The following TRAF3 variants were observed in gnomAD, a reference collection of about 807,000 sequenced individuals.
TRAF3 encodes TNF receptor associated factor 3.
TRAF3 carries 13 observed loss-of-function variants against 62.3 expected under a neutral mutation model. That is an observed-to-expected ratio of 0.21 (90% CI 0.14 to 0.33). The LOEUF is 0.33. Among genes scored for constraint, TRAF3 ranks in the 10% least tolerant of loss-of-function variants. The pLI, the probability that TRAF3 is intolerant of heterozygous loss-of-function variation, is 1.00. For synonymous variants in TRAF3, 269 were observed against 283.4 expected (o/e 0.95, Z 0.51); for missense variants, 440 against 741.8 (o/e 0.59, Z 4.73).
In TRAF3 at chr14:102,903,156, G is replaced by A; in HGVS notation, c.961-99G>A. The A allele has an allele frequency of 6.4e-7, 1 of 1,565,376 alleles. No individual in the cohort carries two copies. The highest frequency in any genetic ancestry group is 1.1e-5 in the South Asian group (1 of 89,282). ...TGGCAGGCCTCATACAGGGGCCTCTGACTGTTCTGCTCCTAGCCTGTCTGT... is the reference window on the plus strand; with the variant it reads ...TGGCAGGCCTCATACAGGGGCCTCTAACTGTTCTGCTCCTAGCCTGTCTGT... On this transcript the variant is annotated intron_variant, in intron 10 of 11. Coordinates refer to ENST00000392745, the MANE Select transcript of TRAF3 (RefSeq NM_145725.3). This position sits in a 1 kb window ranked among gnomAD's most constrained non-coding sequence, Gnocchi z 6.4.
At chr14:102,811,004 CAGAGA>C (rs1555367593) in intron 1 of TRAF3, among the ~76,000 whole-genome samples, 1 of 152,160 alleles carries the variant, frequency 6.6e-6, no homozygotes, top group Non-Finnish European at 1.5e-5. Context: ...TATGTATACC[CAGAGA>C]AAACACATAA....
intron 2 of TRAF3, among the ~76,000 whole-genome samples, chr14:102,836,343 G>A (rs1438225980): frequency 2.0e-5 from 3 of 152,178 alleles, no homozygotes; most frequent in African/African-American, 4.8e-5. Context: ...TTTTATTAAT[G>A]TAGCCATTTT....
chr14:102,893,441 T>A (rs1353258778), intron 9 of TRAF3, among the ~76,000 whole-genome samples: 1 of 150,086 alleles, frequency 6.7e-6, no homozygotes, highest in Non-Finnish European at 1.5e-5. Flanking sequence ...AGATACACAG[T>A]AGTTGAACAG....
At chr14:102,809,806 A>G (rs1338777417) in intron 1 of TRAF3, among the ~76,000 whole-genome samples, 8 of 152,140 alleles carry the variant, frequency 5.3e-5, no homozygotes, top group Admixed American at 5.2e-4. Flanking sequence ...CTGGGATTAC[A>G]GGCATGAGCC....
At chr14:102,849,099 A>G (rs1305618704) in intron 2 of TRAF3, among the ~76,000 whole-genome samples, 1 of 152,180 alleles carries the variant, frequency 6.6e-6, no homozygotes, top group East Asian at 1.9e-4. Flanking sequence ...CGCCTGGCAG[A>G]TCTAGTGTTT....
chr14:102,862,298 C>T (rs1887721750), intron 2 of TRAF3, among the ~76,000 whole-genome samples: 1 of 151,142 alleles, frequency 6.6e-6, no homozygotes, highest in African/African-American at 2.4e-5. Context: ...CCCAGAGAGA[C>T]TGAGGCAGGA....
At chr14:102,840,404 AT>A (rs1002109736) in intron 2 of TRAF3, among the ~76,000 whole-genome samples, 10 of 150,370 alleles carry the variant, frequency 6.7e-5, no homozygotes, top group African/African-American at 2.2e-4. Flanking sequence ...ATAATTTTTT[AT>A]TTTTTTTTGT....
At chr14:102,876,993 A>C (rs945739199) in intron 6 of TRAF3, among the ~76,000 whole-genome samples, 3 of 141,860 alleles carry the variant, frequency 2.1e-5, no homozygotes, top group African/African-American at 8.2e-5. Flanking sequence ...CCCTCAACTC[A>C]TAGATAATCC....
chr14:102,786,965 G>A (rs975901694), intron 1 of TRAF3, among the ~76,000 whole-genome samples: 2 of 152,164 alleles, frequency 1.3e-5, no homozygotes, highest in Non-Finnish European at 1.5e-5. Flanking sequence ...CCATACTTCC[G>A]CACTTTAGCC....
At chr14:102,801,784 C>T (rs1390359116) in intron 1 of TRAF3, among the ~76,000 whole-genome samples, 3 of 151,322 alleles carry the variant, frequency 2.0e-5, no homozygotes, top group South Asian at 2.1e-4. Flanking sequence ...TTTGGGAGGC[C>T]GAGGCGGGCA....
At chr14:102,836,809 G>A (rs1170045115) in intron 2 of TRAF3, among the ~76,000 whole-genome samples, 2 of 152,238 alleles carry the variant, frequency 1.3e-5, no homozygotes, top group East Asian at 3.9e-4. Context: ...TTGTGTTTTA[G>A]GAATGAAGTA....
In TRAF3 at chr14:102,830,335, T is replaced by G. The variant is rs1231397087; in HGVS notation, c.-155T>G. The G allele has an allele frequency of 7.9e-5, 12 of 152,332 alleles. No individual in the cohort carries two copies. Among genetic ancestry groups the G allele is most frequent in the Non-Finnish European group, 2.9e-5 (2 of 68,206 alleles). The allele number at this position is 152,332 out of a possible 1,614,324, so 9.4% of individuals were successfully genotyped here. A position where few individuals can be genotyped will look rare whatever the true frequency, so the allele number is the denominator to read the frequency against. On this transcript the variant is annotated splice_region_variant and 5_prime_UTR_variant, in exon 2 of 12. The change abolishes an upstream ATG in the 5' untranslated region. Coordinates refer to ENST00000392745, the MANE Select transcript of TRAF3 (RefSeq NM_145725.3). Reference sequence around the variant, plus strand: ...TAATCCAATCCCTTTATTTTACAGATGAGGAAAATGAGGCCCAAAGAAGTG... The same window carrying G: ...TAATCCAATCCCTTTATTTTACAGAGGAGGAAAATGAGGCCCAAAGAAGTG...
At chr14:102,877,816 A>G (rs1288427843) in intron 6 of TRAF3, among the ~76,000 whole-genome samples, 2 of 149,746 alleles carry the variant, frequency 1.3e-5, no homozygotes, top group Admixed American at 6.7e-5. Context: ...CTCAGCTCAT[A>G]GGTAATCCCT....
intron 2 of TRAF3, among the ~76,000 whole-genome samples, chr14:102,835,912 T>TA (rs200221536): frequency 1.4e-3 from 212 of 151,364 alleles, no homozygotes; most frequent in Non-Finnish European, 2.3e-3. Flanking sequence ...AAAATAAAAG[T>TA]AAAAAAAAAT....
rs56998347 is a variant in TRAF3, at chr14:102,839,210, CTTTTTTTTT to C, written c.-18+8758_-18+8766del. 4.8e-3 allele frequency among the ~76,000 whole-genome samples: 429 copies of C among 89,842 alleles called. 3 individuals carry two copies. Among genetic ancestry groups the C allele is most frequent in the Middle Eastern group, 8.2e-3 (1 of 122 alleles). The allele number at this position is 89,842 out of a possible 152,430, so 58.9% of individuals were successfully genotyped here. A position where few individuals can be genotyped will look rare whatever the true frequency, so the allele number is the denominator to read the frequency against. On this transcript the variant is annotated intron_variant, in intron 2 of 11. Coordinates refer to ENST00000392745, the MANE Select transcript of TRAF3 (RefSeq NM_145725.3). Reference sequence around the variant, plus strand: ...GAGAGATGCTTATTGGTTGATTTGCCTTTTTTTTTTTTTTTTTTTTTTTTTTTTGAAACA... The same window carrying C: ...GAGAGATGCTTATTGGTTGATTTGCCTTTTTTTTTTTTTTTTTTTGAAACA...
chr14:102,837,641 TA>T (rs60254429), intron 2 of TRAF3, among the ~76,000 whole-genome samples: 8,802 of 143,922 alleles, frequency 0.061, 548 homozygotes, highest in African/African-American at 0.16. Flanking sequence ...TTCAAAACAG[TA>T]AAAAAAAAAA....
At chr14:102,836,525 T>C (rs1886017582) in intron 2 of TRAF3, among the ~76,000 whole-genome samples, 2 of 152,226 alleles carry the variant, frequency 1.3e-5, no homozygotes, top group Admixed American at 6.5e-5. Flanking sequence ...GAATATAGTT[T>C]ATTTGAAAGG....
chr14:102,838,436 A>T (rs1455179968), intron 2 of TRAF3, among the ~76,000 whole-genome samples: 1 of 152,214 alleles, frequency 6.6e-6, no homozygotes, highest in Admixed American at 6.5e-5. Context: ...TAGAGAAAAG[A>T]TGCTCGCAGT....
At chr14:102,828,909 T>A (rs1900488101) in intron 1 of TRAF3, among the ~76,000 whole-genome samples, 1 of 152,216 alleles carries the variant, frequency 6.6e-6, no homozygotes. Flanking sequence ...GACAGTTACA[T>A]TAATCTGGAT....
Sources: gnomAD v4.1 joint callset for allele counts (sites outside exome capture counted in the v4.1 genomes callset) on GRCh38, gnomAD v4.1.1 for gene constraint, Gnocchi (gnomAD v3.1) non-coding constraint, MANE v1.5 for transcripts, NCBI Gene and HGNC (gene_info 2026-07-23, HGNC 2026-07-21) for gene names.